TPPP2: variants seen among roughly 807,000 people sequenced by gnomAD.
TPPP2 encodes the protein tubulin polymerization-promoting protein family member 2.
Under a neutral mutation model 13.0 loss-of-function variants are expected in TPPP2, and 8 were observed. The observed-to-expected ratio is 0.62, with a 90% confidence interval of 0.36 to 1.11. The LOEUF (loss-of-function observed/expected upper bound fraction) is 1.11. Ranked by LOEUF, TPPP2 falls within the 50% of genes most tolerant of loss-of-function variation. The pLI, the probability that TPPP2 is intolerant of heterozygous loss-of-function variation, is 0.02. For missense variants in TPPP2, 213 were observed against 216.9 expected, an observed-to-expected ratio of 0.98 and a Z score of 0.11; for synonymous variants, 81 against 81.8, an observed-to-expected ratio of 0.99 and a Z score of 0.05.
At chr14:21,030,339 T>G in intron 1 of TPPP2, 35 bp downstream of exon 1, 2 of 502,718 alleles carry the variant, frequency 4.0e-6, no homozygotes, top group Non-Finnish European at 7.2e-6. Context: ...AGAGGATCAT[T>G]CAGTAGGTAG....
intron 3 of TPPP2, 43 bp downstream of exon 3, chr14:21,031,208 C>A (rs752198076): frequency 2.5e-6 from 4 of 1,598,360 alleles, no homozygotes; most frequent in Non-Finnish European, 3.4e-6. Flanking sequence ...TTCCCTAAAT[C>A]CCCATTGTTC....
downstream of TPPP2, chr14:21,036,176 T>A: frequency 2.2e-6 from 1 of 456,338 alleles, no homozygotes; most frequent in South Asian, 1.5e-5. Flanking sequence ...TCTTCCATTC[T>A]TATTTCTTCC....
At chr14:21,034,436 G>A (rs981231048), downstream of TPPP2, 2 of 652,722 alleles carry the variant, frequency 3.1e-6, no homozygotes, top group Non-Finnish European at 5.2e-6. Context: ...CCCAGAAAGA[G>A]GAGATGCTTG....
At chr14:21,025,783 A>G, upstream of TPPP2, 2 of 787,452 alleles carry the variant, frequency 2.5e-6, no homozygotes, top group Non-Finnish European at 3.1e-6. The surrounding 1 kb of genome is among the most constrained non-coding windows in gnomAD (Gnocchi z 5.1). Context: ...GCCGCTATAA[A>G]TAGAGGGCGA....
chr14:21,031,262 C>A, intron 3 of TPPP2, 97 bp downstream of exon 3: 1 of 1,477,628 alleles, frequency 6.8e-7, no homozygotes, highest in Admixed American at 2.2e-5. Flanking sequence ...ACTGTAGAGA[C>A]AGGGCCGAAA....
upstream of TPPP2, chr14:21,025,279 C>T (rs2139042314): frequency 3.3e-6 from 3 of 921,182 alleles, no homozygotes; most frequent in East Asian, 1.2e-4. The surrounding 1 kb of genome is among the most constrained non-coding windows in gnomAD (Gnocchi z 5.1). Context: ...CTCTGCTCGG[C>T]TCACCAAAAC....
At chr14:21,034,416 G>A, downstream of TPPP2, 3 of 699,174 alleles carry the variant, frequency 4.3e-6, no homozygotes, top group South Asian at 3.8e-5. Flanking sequence ...CCATAACCAA[G>A]TTCTCATGAC....
At chr14:21,033,860 T>A (rs748374763), downstream of TPPP2, 16 of 1,613,954 alleles carry the variant, frequency 9.9e-6, no homozygotes, top group African/African-American at 1.3e-4. Flanking sequence ...TTGGATCAGC[T>A]TCATACTTGC....
chr14:21,029,801 C>T (rs962219577), upstream of TPPP2, among the ~76,000 whole-genome samples: 3 of 152,064 alleles, frequency 2.0e-5, no homozygotes, highest in Admixed American at 6.5e-5. Context: ...ATCTATGGAC[C>T]GGAAAGCAGC....
In TPPP2 at chr14:21,030,738, G is replaced by A. The variant is rs534770611; in HGVS notation, c.157G>A (p.Val53Met). 122 of 1,614,036 alleles carry A rather than the reference G, an allele frequency of 7.6e-5. 1 individual carries two copies. In the South Asian group the frequency reaches 1.0e-3, roughly 13 times the overall value. The stretch of plus-strand genomic sequence containing the variant: ...AGTCACCTCCACGGACGTGGACATC[G>A]TGTTCAGCAAAGTCAAGTGAGGAGC... ...KTVTSTDVDI[V>M]FSKVKAKNAR... The change falls in exon 2 of 4, where the codon GTG (valine) becomes ATG (methionine). Residue 53 changes from valine (V) to methionine (M), a missense_variant. By Grantham distance (21) the Val-to-Met change is conservative (BLOSUM62 1). Transcript: ENST00000321760.
upstream of TPPP2, among the ~76,000 whole-genome samples, chr14:21,030,003 T>C (rs74905393): frequency 0.015 from 2,236 of 152,298 alleles, 31 homozygotes; most frequent in Middle Eastern, 0.041. Context: ...GCAATTTGAC[T>C]AGGACCCAGA....
upstream of TPPP2, among the ~76,000 whole-genome samples, chr14:21,027,080 G>T (rs1883732625): frequency 6.6e-6 from 1 of 152,116 alleles, no homozygotes; most frequent in Non-Finnish European, 1.5e-5. Flanking sequence ...CCTGATAAGG[G>T]GCCTACGCAG....
intron 3 of TPPP2, 101 bp downstream of exon 3, chr14:21,031,266 G>A: frequency 1.4e-6 from 2 of 1,453,134 alleles, no homozygotes; most frequent in Non-Finnish European, 1.8e-6. Context: ...TAGAGACAGG[G>A]CCGAAACAGA....
Position 21,030,537 on chromosome 14 carries a change from C to T in TPPP2, c.-45C>T. 1 of 1,594,946 alleles carries T rather than the reference C, an allele frequency of 6.3e-7. No homozygotes were observed. The highest frequency in any genetic ancestry group is 8.5e-7 in the Non-Finnish European group (1 of 1,169,668). On this transcript the variant is annotated 5_prime_UTR_variant, in exon 2 of 4. Transcript: ENST00000321760. ...GTCCTCCCTCCCCCTTCTCCTTCAC[C>T]CCCAAGTGTCTCCCACGACTGCCCT...
At chr14:21,030,959 G>T in intron 2 of TPPP2, 53 bp from the exon 3 acceptor site, 1 of 1,563,170 alleles carries the variant, frequency 6.4e-7, no homozygotes, top group Non-Finnish European at 8.7e-7. Context: ...TTGGACCTTG[G>T]AAGGTAATGC....
chr14:21,025,179 G>GC lies in TPPP2; in HGVS notation n.236+842dup, dbSNP rs912424113. On this transcript the variant is annotated intron_variant and non_coding_transcript_variant, in intron 1 of 1. Coordinates refer to the TPPP2 transcript ENST00000533755. The surrounding 1 kb of genome is among the most constrained non-coding windows in gnomAD (Gnocchi z 5.1). ...CCCGCCCCAGACCCCCAGTAAACAC[G>GC]CCCCCCCTTTCACCCCGCCCAGACT... 2.2e-5 allele frequency: 20 copies of GC among 896,918 alleles called. No individual in the cohort carries two copies. Among genetic ancestry groups the GC allele is most frequent in the East Asian group, 1.2e-4 (1 of 8,312 alleles). 55.6% of individuals were successfully genotyped at this position (896,918 alleles called of 1,614,324 possible). A position where few individuals can be genotyped will look rare whatever the true frequency, so the allele number is the denominator to read the frequency against.
Position 21,030,999 on chromosome 14 carries a change from T to C in TPPP2, c.174-13T>C. 6.3e-7 allele frequency: 1 copy of C among 1,593,240 alleles called. No homozygotes were observed. Among genetic ancestry groups the C allele is most frequent in the Non-Finnish European group, 8.5e-7 (1 of 1,170,628 alleles). On this transcript the variant is annotated splice_polypyrimidine_tract_variant and intron_variant, in intron 2 of 3. Coordinates refer to ENST00000321760, the MANE Select transcript of TPPP2 (RefSeq NM_173846.5). ...ATGCTCCAAAGTTTCTGGATTTCTGTCTAACTGACCAGGGCCAAGAACGCC... is the reference window on the plus strand; with the variant it reads ...ATGCTCCAAAGTTTCTGGATTTCTGCCTAACTGACCAGGGCCAAGAACGCC...
chr14:21,028,579 T>TA (rs1367010224), upstream of TPPP2: 1 of 152,186 alleles, frequency 6.6e-6, no homozygotes. Context: ...GTTAGTTGTA[T>TA]AGGTCCTTGA....
In TPPP2 at chr14:21,032,392, T is replaced by C; in HGVS notation, c.*315T>C. ...AACCAGATGTGGAGGTAAAAGTATC[T>C]ACTACTTGTGTTCACACATTACTGA... On this transcript the variant is annotated 3_prime_UTR_variant, in exon 4 of 4. Coordinates refer to ENST00000321760, the MANE Select transcript of TPPP2 (RefSeq NM_173846.5). 2.1e-6 allele frequency: 1 copy of C among 470,388 alleles called. No individual in the cohort carries two copies. The highest frequency in any genetic ancestry group is 4.2e-6 in the Non-Finnish European group (1 of 239,254). The allele number at this position is 470,388 out of a possible 1,614,324, so 29.1% of individuals were successfully genotyped here. A position where few individuals can be genotyped will look rare whatever the true frequency, so the allele number is the denominator to read the frequency against.
Sources: gnomAD v4.1 joint callset for allele counts (sites outside exome capture counted in the v4.1 genomes callset) on GRCh38, gnomAD v4.1.1 for gene constraint, Gnocchi (gnomAD v3.1) non-coding constraint, MANE v1.5 for transcripts, NCBI Gene and HGNC (gene_info 2026-07-23, HGNC 2026-07-21) for gene names.